The following TMEM253 variants were observed in gnomAD, a reference collection of about 807,000 sequenced individuals.
The protein encoded by TMEM253 is transmembrane protein C14orf176.
TMEM253 carries 22 observed loss-of-function variants against 20.3 expected under a neutral mutation model. The ratio of observed to expected loss-of-function variants is 1.08; its 90% CI spans 0.78 to 1.55. The LOEUF (loss-of-function observed/expected upper bound fraction) is 1.55. Among genes scored for constraint, TMEM253 ranks in the 40% most tolerant of loss-of-function variants. TMEM253 has a pLI of 0.00. For synonymous variants in TMEM253, 92 were observed against 102.6 expected (o/e 0.90, Z 0.62); for missense variants, 251 against 266.1 (o/e 0.94, Z 0.39).
chr14:21,098,947 G>C (rs1222321970), upstream of TMEM253: 2 of 912,852 alleles, frequency 2.2e-6, no homozygotes, highest in Non-Finnish European at 2.9e-6. Context: ...GGCGATTATA[G>C]AGATAGTTAA....
chr14:21,102,505 C>T lies in TMEM253; in HGVS notation c.377C>T (p.Ala126Val), dbSNP rs1343315625. 6.4e-6 allele frequency: 10 copies of T among 1,551,584 alleles called. No homozygotes were observed. The African/African-American group carries it at 1.4e-4, about 21-fold the overall frequency. Residue 126 changes from alanine (A) to valine (V), a missense_variant, in exon 5 of 7, where the codon GCC becomes GTC. Ala to Val is a moderately conservative substitution (Grantham distance 64). Transcript: ENST00000556585. ...ACAGCCTTGGGGCCTGCCCCAACTGCCTCCTCCCAGGTACTGGTCAATGAA... is the reference window on the plus strand; with the variant it reads ...ACAGCCTTGGGGCCTGCCCCAACTGTCTCCTCCCAGGTACTGGTCAATGAA...
exon 3 of TMEM253, chr14:21,101,883 G>A (rs1446116658): frequency 3.9e-6 from 6 of 1,551,552 alleles, no homozygotes; most frequent in African/African-American, 1.4e-5. Flanking sequence ...GCTATGGCTG[G>A]CAGTGGTTGT....
exon 5 of TMEM253, chr14:21,102,432 T>G: frequency 6.4e-7 from 1 of 1,551,616 alleles, no homozygotes; most frequent in Non-Finnish European, 8.7e-7. Flanking sequence ...ATTCAACACC[T>G]TCAACTTGAT....
At position 21,102,598 on chromosome 14, in the gene TMEM253, G is replaced by A. The variant is rs750683666; in HGVS notation, c.388-35G>A. ...GAAAAGGGCAGGGGCAAACAGGTGC[G>A]GGGTCCCTGCATTCTCAGCCCTGTC... On this transcript the variant is annotated intron_variant, in intron 5 of 6. Transcript: ENST00000556585. The A allele has an allele frequency of 6.9e-5, 107 of 1,550,922 alleles. No individual in the cohort carries two copies. The South Asian group carries it at 1.0e-3, about 15-fold the overall frequency.
chr14:21,101,313 G>A lies in TMEM253; in HGVS notation c.-31G>A, dbSNP rs774532708. Reference sequence around the variant, plus strand: ...CTATAACGCATTTTTCCCAGCCTAGGAAGCACCTAATTCTTGTGGGCAAAG... The same window carrying A: ...CTATAACGCATTTTTCCCAGCCTAGAAAGCACCTAATTCTTGTGGGCAAAG... On this transcript the variant is annotated 5_prime_UTR_variant, in exon 2 of 7. Transcript: ENST00000556585. 2.6e-6 allele frequency: 4 copies of A among 1,547,864 alleles called. No homozygotes were observed. The South Asian group carries it at 4.8e-5, about 18-fold the overall frequency.
exon 3 of TMEM253, chr14:21,101,887 T>G: frequency 6.4e-7 from 1 of 1,551,494 alleles, no homozygotes; most frequent in Non-Finnish European, 8.7e-7. Flanking sequence ...TGGCTGGCAG[T>G]GGTTGTGGTG....
rs976902006 is a variant in TMEM253 at position 21,102,787 on chromosome 14, G to A, written c.534+8G>A. ...TATCAAGAGCTGCAGGAGGTATGGG[G>A]GCAGGGAAGAAAGCACGAATAGCTA... On this transcript the variant is annotated splice_region_variant and intron_variant, in intron 6 of 6. Transcript: ENST00000556585. The A allele has an allele frequency of 1.3e-6, 2 of 1,547,438 alleles. No individual in the cohort carries two copies. Among genetic ancestry groups the A allele is most frequent in the African/African-American group, 1.4e-5 (1 of 73,000 alleles).
chr14:21,099,951 G>T (rs1163007208), upstream of TMEM253, among the ~76,000 whole-genome samples: 1 of 152,146 alleles, frequency 6.6e-6, no homozygotes, highest in African/African-American at 2.4e-5. Flanking sequence ...TTATCGGTGT[G>T]ACCTCATCAG....
At chr14:21,103,213 G>T (rs1370087174) in exon 7 of TMEM253, 2 of 1,551,650 alleles carry the variant, frequency 1.3e-6, no homozygotes. Flanking sequence ...CAAATGAGAG[G>T]GTGGGACAGC....
At chr14:21,099,199 G>C, upstream of TMEM253, 1 of 172,684 alleles carries the variant, frequency 5.8e-6, no homozygotes, top group Non-Finnish European at 1.3e-5. Flanking sequence ...CTACAAACTG[G>C]TAAGTAGTAT....
chr14:21,102,365 C>G (rs1238755913), intron 4 of TMEM253, 40 bp from the exon 5 acceptor site: 1 of 1,546,536 alleles, frequency 6.5e-7, no homozygotes, highest in East Asian at 2.4e-5. Context: ...GTTGGAATGA[C>G]TCCCCTAGGC....
At chr14:21,103,485 G>C in exon 7 of TMEM253, 1 of 612,154 alleles carries the variant, frequency 1.6e-6, no homozygotes, top group Non-Finnish European at 2.7e-6. Flanking sequence ...CTCTCTTCCT[G>C]TCACCTCCCC....
At chr14:21,100,433 A>G (rs948579853), upstream of TMEM253, among the ~76,000 whole-genome samples, 1 of 152,164 alleles carries the variant, frequency 6.6e-6, no homozygotes, top group Non-Finnish European at 1.5e-5. Context: ...CAGAGCTAAG[A>G]TTCCAGCTCA....
At chr14:21,101,342 C>A (rs1456964742) in exon 2 of TMEM253, 1 of 1,551,350 alleles carries the variant, frequency 6.4e-7, no homozygotes, top group Admixed American at 2.0e-5. Flanking sequence ...GGCAAAGGAG[C>A]CATGGAAGAT....
At chr14:21,102,917 T>A (rs1889739144) in intron 6 of TMEM253, 138 bp downstream of exon 6, 1 of 1,390,292 alleles carries the variant, frequency 7.2e-7, no homozygotes, top group African/African-American at 1.5e-5. Flanking sequence ...CTGATTGGCT[T>A]TCTCTGGCTT....
At chr14:21,103,603 T>C (rs576614044) in exon 7 of TMEM253, 1 of 241,914 alleles carries the variant, frequency 4.1e-6, no homozygotes, top group South Asian at 4.9e-5. Flanking sequence ...TGAATCCAAT[T>C]CAGGAGTGCC....
rs374819226 is a variant in TMEM253 at position 21,102,784 on chromosome 14, G to T, written c.534+5G>T. On this transcript the variant is annotated splice_donor_5th_base_variant and intron_variant, in intron 6 of 6. Transcript: ENST00000556585. ...CACTATCAAGAGCTGCAGGAGGTAT[G>T]GGGGCAGGGAAGAAAGCACGAATAG... The T allele has an allele frequency of 1.3e-6, 2 of 1,548,028 alleles. No homozygotes were observed. Among genetic ancestry groups the T allele is most frequent in the South Asian group, 1.2e-5 (1 of 84,022 alleles).
In TMEM253 at chr14:21,102,752, G is replaced by C. The variant is rs374138523; in HGVS notation, c.507G>C (p.Gln169His). ...GGAAACCAGGATGCTGCAGGAGCCA[G>C]AGTCTGCACTATCAAGAGCTGCAGG... The change falls in exon 6 of 7, where the codon CAG (glutamine) becomes CAC (histidine). Residue 169 changes from glutamine to histidine, a missense_variant. Physicochemically the swap from Gln to His is conservative, Grantham distance 24 (BLOSUM62 0). Transcript: ENST00000556585. 1.5e-5 allele frequency: 23 copies of C among 1,550,946 alleles called. No homozygotes were observed. The African/African-American group carries it at 2.7e-4, about 18-fold the overall frequency.
upstream of TMEM253, among the ~76,000 whole-genome samples, chr14:21,099,434 G>T (rs1453719601): frequency 4.6e-5 from 7 of 152,158 alleles, no homozygotes; most frequent in Non-Finnish European, 1.0e-4. Flanking sequence ...AATTGAGGAG[G>T]AGTAGACACA....
Sources: allele counts gnomAD v4.1 joint callset (sites outside exome capture counted in the v4.1 genomes callset), GRCh38; gene constraint gnomAD v4.1.1; transcripts MANE v1.5; gene names NCBI Gene and HGNC (gene_info 2026-07-23, HGNC 2026-07-21).